Variants in TBC1D22A observed in about 807,000 individuals in gnomAD.
The protein encoded by TBC1D22A is TBC1 domain family member 22A, also known as putative GTPase activator.
Under a neutral mutation model 60.2 loss-of-function variants are expected in TBC1D22A, and 38 were observed. The observed-to-expected ratio is 0.63, with a 90% CI of 0.49 to 0.83. The LOEUF is 0.83. Among genes scored for constraint, TBC1D22A ranks in the 40% least tolerant of loss-of-function variants. The probability of loss-of-function intolerance (pLI) is 0.00; values close to 1 mark genes in which losing one functional copy is unlikely to be tolerated. For missense variants in TBC1D22A, 628 were observed against 701.0 expected (o/e 0.90, Z 1.18); for synonymous variants, 302 against 281.7 (o/e 1.07, Z -0.72).
In TBC1D22A at chr22:46,972,787, C is replaced by T. The variant is rs928100919; in HGVS notation, c.1016-1503C>T. 3.3e-5 allele frequency among the ~76,000 whole-genome samples: 5 copies of T among 152,306 alleles called. No individual in the cohort carries two copies. In the East Asian group the frequency reaches 7.7e-4, roughly 23 times the overall value. On this transcript the variant is annotated intron_variant, in intron 8 of 12. Transcript: ENST00000337137. ...ATTTTATGGCGGATGAATTATCTCT[C>T]CGTTTACAAAACCCAGAACCAAATC...
intron 12 of TBC1D22A, among the ~76,000 whole-genome samples, chr22:47,150,400 C>T (rs559232337): frequency 3.9e-5 from 6 of 152,266 alleles, no homozygotes; most frequent in Admixed American, 6.5e-5. Context: ...CTCAAAAGTC[C>T]GCAAACACGT....
intron 4 of TBC1D22A, among the ~76,000 whole-genome samples, chr22:46,851,964 C>T (rs114733236): frequency 5.9e-4 from 90 of 152,328 alleles, no homozygotes; most frequent in African/African-American, 2.1e-3. Flanking sequence ...CAGCCCCTGG[C>T]TTTGTTGTGC....
At chr22:46,960,954 C>CAAA (rs397868006) in intron 8 of TBC1D22A, among the ~76,000 whole-genome samples, 21 of 47,730 alleles carry the variant, frequency 4.4e-4, no homozygotes, top group African/African-American at 9.6e-4. Flanking sequence ...GACACCATCT[C>CAAA]AAAAAAAAAA....
intron 1 of TBC1D22A, among the ~76,000 whole-genome samples, chr22:46,788,152 G>A (rs934411520): frequency 4.6e-5 from 7 of 151,922 alleles, no homozygotes; most frequent in African/African-American, 1.7e-4. Context: ...TAGCCAGGAC[G>A]GTCTCGATCT....
intron 11 of TBC1D22A, among the ~76,000 whole-genome samples, chr22:47,109,779 G>C (rs1260609736): frequency 6.6e-6 from 1 of 151,874 alleles, no homozygotes; most frequent in African/African-American, 2.4e-5. Context: ...CATACGCGTT[G>C]GTGTGTTTTT....
intron 11 of TBC1D22A, among the ~76,000 whole-genome samples, chr22:47,061,505 A>G (rs1203273565): frequency 6.6e-6 from 1 of 152,054 alleles, no homozygotes; most frequent in Non-Finnish European, 1.5e-5. Flanking sequence ...GCTCTCACAG[A>G]AGCTTCGAGC....
At chr22:47,158,761 A>G (rs938936135) in intron 12 of TBC1D22A, among the ~76,000 whole-genome samples, 4 of 152,122 alleles carry the variant, frequency 2.6e-5, no homozygotes, top group African/African-American at 9.7e-5. Flanking sequence ...GGAAGATAGC[A>G]TCATTGGTGT....
intron 6 of TBC1D22A, among the ~76,000 whole-genome samples, chr22:46,894,271 G>C (rs1377403261): frequency 6.6e-6 from 1 of 152,184 alleles, no homozygotes; most frequent in Non-Finnish European, 1.5e-5. Context: ...TCTGATGTCA[G>C]ACGGTGGCCA....
At chr22:46,765,420 T>C (rs2083247536) in intron 1 of TBC1D22A, among the ~76,000 whole-genome samples, 1 of 152,222 alleles carries the variant, frequency 6.6e-6, no homozygotes, top group Non-Finnish European at 1.5e-5. Context: ...TGGCAGCTCT[T>C]TCAATTGTTT....
At chr22:46,893,375 C>T (rs1425375848) in intron 6 of TBC1D22A, among the ~76,000 whole-genome samples, 1 of 152,146 alleles carries the variant, frequency 6.6e-6, no homozygotes, top group Non-Finnish European at 1.5e-5. Context: ...GTGCACAGAG[C>T]CCCACCTGCC....
chr22:46,974,091 T>A (rs2074187955), intron 8 of TBC1D22A, among the ~76,000 whole-genome samples, 199 bp from the exon 9 acceptor site: 1 of 152,242 alleles, frequency 6.6e-6, no homozygotes, highest in African/African-American at 2.4e-5. Flanking sequence ...ATATTAATTA[T>A]CTGCAACTAA....
In TBC1D22A at chr22:46,960,791, C is replaced by A. The variant is rs374294328; in HGVS notation, c.1016-13499C>A. ...GAAACGCTGTCTCGACTAAAAAATA[C>A]AAAAAATTAGCCAGGCGTGGTGGCG... is the stretch of plus-strand genomic sequence containing the variant. On this transcript the variant is annotated intron_variant, in intron 8 of 12. Transcript: ENST00000337137. 1.1e-3 allele frequency among the ~76,000 whole-genome samples: 161 copies of A among 151,624 alleles called. 1 individual carries two copies. Among genetic ancestry groups the A allele is most frequent in the African/African-American group, 3.7e-3 (155 of 41,370 alleles).
rs2068375098 is a variant in TBC1D22A at position 46,891,063 on chromosome 22, T to A, written c.709-203T>A. ...AGCCCAGGCCCCTTCCTGAGTGCTGTCGGGAGTGGTGCTTGCATTGTGTTC... is the reference window on the plus strand; with the variant it reads ...AGCCCAGGCCCCTTCCTGAGTGCTGACGGGAGTGGTGCTTGCATTGTGTTC... On this transcript the variant is annotated intron_variant, in intron 5 of 12. Transcript: ENST00000337137. Among the ~76,000 whole-genome samples the A allele has an allele frequency of 2.0e-5, 3 of 151,924 alleles. No individual in the cohort carries two copies. The South Asian group carries it at 6.2e-4, about 32-fold the overall frequency.
At chr22:47,025,864 G>A (rs1166767865) in intron 10 of TBC1D22A, among the ~76,000 whole-genome samples, 1 of 152,164 alleles carries the variant, frequency 6.6e-6, no homozygotes, top group African/African-American at 2.4e-5. Flanking sequence ...TACCGAGTGT[G>A]TGAGAAGAGG....
intron 11 of TBC1D22A, among the ~76,000 whole-genome samples, chr22:47,084,418 A>G (rs1189699247): frequency 6.6e-6 from 1 of 152,194 alleles, no homozygotes; most frequent in East Asian, 1.9e-4. Flanking sequence ...TCTGTTAGAA[A>G]TGCAGATTCA....
Position 47,110,504 on chromosome 22 carries a change from G to A in TBC1D22A, c.1330-1004G>A, listed in dbSNP as rs571271361. Among the ~76,000 whole-genome samples the A allele has an allele frequency of 1.1e-3, 167 of 152,060 alleles. 2 individuals are homozygous for A. Among genetic ancestry groups the A allele is most frequent in the Non-Finnish European group, 1.8e-3 (120 of 67,974 alleles). On this transcript the variant is annotated intron_variant, in intron 11 of 12. Transcript: ENST00000337137. ...AATAAAGAAAATAATAATAATAAACGCCTTTTTTCTCTTTGGATGTTTGCT... is the reference window on the plus strand; with the variant it reads ...AATAAAGAAAATAATAATAATAAACACCTTTTTTCTCTTTGGATGTTTGCT...
Position 47,173,882 on chromosome 22 carries a change from G to T in TBC1D22A, c.*256G>T, listed in dbSNP as rs998185668. The stretch of plus-strand genomic sequence containing the variant: ...TTCGGCGGCCAGAGGCAGGTCAGGG[G>T]TCCCCTCTCCCTCTCCCTGCAATGT... On this transcript the variant is annotated 3_prime_UTR_variant, in exon 13 of 13. Coordinates refer to ENST00000337137, the MANE Select transcript of TBC1D22A (RefSeq NM_014346.5). The T allele has an allele frequency of 1.1e-5, 5 of 454,538 alleles. No homozygotes were observed. Among genetic ancestry groups the T allele is most frequent in the Non-Finnish European group, 2.0e-5 (5 of 253,226 alleles). 28.2% of individuals were successfully genotyped at this position (454,538 alleles called of 1,614,324 possible). A position where few individuals can be genotyped will look rare whatever the true frequency, so the allele number is the denominator to read the frequency against.
chr22:46,800,409 A>T (rs1447556839), intron 4 of TBC1D22A, among the ~76,000 whole-genome samples: 1 of 151,922 alleles, frequency 6.6e-6, no homozygotes, highest in African/African-American at 2.4e-5. Flanking sequence ...TGACGTACCC[A>T]TCTTGGCCAC....
intron 8 of TBC1D22A, among the ~76,000 whole-genome samples, chr22:46,941,209 A>G (rs2072020637): frequency 2.5e-5 from 1 of 40,816 alleles, no homozygotes; most frequent in South Asian, 6.5e-4. Context: ...ATATATGTAT[A>G]CACACACACA....
Sources: gnomAD v4.1 joint callset for allele counts (sites outside exome capture counted in the v4.1 genomes callset) on GRCh38, gnomAD v4.1.1 for gene constraint, MANE v1.5 for transcripts, NCBI Gene and HGNC (gene_info 2026-07-23, HGNC 2026-07-21) for gene names.